The following UBE2D3 variants were observed in gnomAD, a reference collection of about 807,000 sequenced individuals.
The protein encoded by UBE2D3 is ubiquitin-conjugating enzyme E2 D3.
UBE2D3 carries 2 observed loss-of-function variants against 22.8 expected under a neutral mutation model. The observed-to-expected ratio is 0.09, with a 90% CI of 0.04 to 0.28. UBE2D3 has a LOEUF of 0.28. Among genes scored for constraint, UBE2D3 ranks in the 10% least tolerant of loss-of-function variants. UBE2D3 has a pLI of 1.00. For synonymous variants in UBE2D3, 56 were observed against 60.4 expected (o/e 0.93, Z 0.34); for missense variants, 27 against 182.5 (o/e 0.15, Z 4.91).
At chr4:102,811,254 G>C (rs1193577839) in intron 2 of UBE2D3, 1 of 152,568 alleles carries the variant, frequency 6.6e-6, no homozygotes, top group African/African-American at 2.4e-5. Context: ...ACTGAGGTGG[G>C]AGGATCACTT....
At chr4:102,838,227 C>G (rs1236563901) in intron 1 of UBE2D3, among the ~76,000 whole-genome samples, 1 of 152,122 alleles carries the variant, frequency 6.6e-6, no homozygotes, top group Non-Finnish European at 1.5e-5. Flanking sequence ...CGAACTAAAC[C>G]CACAGTATCT....
At chr4:102,818,522 G>A (rs748609343) in intron 2 of UBE2D3, among the ~76,000 whole-genome samples, 4 of 152,170 alleles carry the variant, frequency 2.6e-5, no homozygotes, top group Non-Finnish European at 2.9e-5. Flanking sequence ...GGTCTAGTTC[G>A]CCTCATTAGT....
chr4:102,828,608 G>A (rs1471549431), upstream of UBE2D3, among the ~76,000 whole-genome samples: 1 of 152,138 alleles, frequency 6.6e-6, no homozygotes, highest in Non-Finnish European at 1.5e-5. Flanking sequence ...GTAGATGTGG[G>A]AACAAGCTTA....
chr4:102,856,492 T>C (rs1426247128), intron 1 of UBE2D3, among the ~76,000 whole-genome samples: 2 of 152,242 alleles, frequency 1.3e-5, no homozygotes, highest in Admixed American at 1.3e-4. Flanking sequence ...TCTCTAGAAC[T>C]TTTCCTTTGT....
chr4:102,845,579 A>T (rs1732002973), intron 1 of UBE2D3, among the ~76,000 whole-genome samples: 1 of 152,126 alleles, frequency 6.6e-6, no homozygotes, highest in South Asian at 2.1e-4. Flanking sequence ...GAGCTAGATG[A>T]GATGCTTCAA....
exon 1 of UBE2D3, chr4:102,868,764 C>T (rs750625895): frequency 2.5e-6 from 4 of 1,613,960 alleles, no homozygotes; most frequent in Non-Finnish European, 3.4e-6. Context: ...CTTATCTCAT[C>T]GCACACAGTA....
chr4:102,801,337 T>C, intron 6 of UBE2D3, 117 bp downstream of exon 6: 1 of 791,090 alleles, frequency 1.3e-6, no homozygotes, highest in South Asian at 1.9e-5. Flanking sequence ...AAAGTAACTT[T>C]ATTGCTTCCC....
intron 2 of UBE2D3, among the ~76,000 whole-genome samples, chr4:102,813,227 T>C (rs1020873682): frequency 6.6e-6 from 1 of 152,212 alleles, no homozygotes; most frequent in African/African-American, 2.4e-5. Flanking sequence ...CGGACTACAG[T>C]GGCTATTCAC....
chr4:102,825,964 C>A, intron 2 of UBE2D3: 1 of 318,714 alleles, frequency 3.1e-6, no homozygotes, highest in East Asian at 8.7e-5. Flanking sequence ...ACTAGACTCA[C>A]TGACTGACCT....
intron 2 of UBE2D3, among the ~76,000 whole-genome samples, chr4:102,816,845 T>C (rs918963510): frequency 1.8e-4 from 27 of 152,192 alleles, no homozygotes; most frequent in African/African-American, 6.5e-4. Context: ...GCCATGCATG[T>C]TAGGTATAAA....
intron 2 of UBE2D3, among the ~76,000 whole-genome samples, chr4:102,823,954 A>G (rs1431196103): frequency 6.6e-6 from 1 of 152,230 alleles, no homozygotes; most frequent in East Asian, 1.9e-4. Context: ...ACACAAGCAT[A>G]CCATACTGAC....
chr4:102,819,135 A>G (rs1362233364), intron 2 of UBE2D3, among the ~76,000 whole-genome samples: 11 of 152,182 alleles, frequency 7.2e-5, no homozygotes, highest in African/African-American at 1.9e-4. Context: ...ATTCAAGACC[A>G]GCCTGGCCAA....
chr4:102,845,420 C>G (rs1280671628), intron 1 of UBE2D3, among the ~76,000 whole-genome samples: 2 of 152,066 alleles, frequency 1.3e-5, no homozygotes, highest in Non-Finnish European at 2.9e-5. Flanking sequence ...GTGGCCTGGG[C>G]TTTAGAATCC....
At position 102,804,456 on chromosome 4, in the gene UBE2D3, T is replaced by C. The variant is rs1181799750; in HGVS notation, c.121-1818A>G. ...TACAGGTATCAGCCACCGTGCCCAG[T>C]CCTTTTTCATATTTTCTACAAAATA... On this transcript the variant is annotated intron_variant, in intron 4 of 7. Coordinates refer to ENST00000453744, the MANE Select transcript of UBE2D3 (RefSeq NM_181891.3). 3.3e-5 allele frequency among the ~76,000 whole-genome samples: 5 copies of C among 151,922 alleles called. 1 individual carries two copies. The highest frequency in any genetic ancestry group is 1.2e-4 in the African/African-American group (5 of 41,368).
At chr4:102,819,674 A>G in intron 2 of UBE2D3, 1 of 810,438 alleles carries the variant, frequency 1.2e-6, no homozygotes. Context: ...AAGTTCATGG[A>G]TTCTACCTTT....
At chr4:102,801,588 TCAAATAAAAAC>T (rs1377083902) in intron 5 of UBE2D3, 29 bp from the exon 6 acceptor site, 1 of 1,527,662 alleles carries the variant, frequency 6.5e-7, no homozygotes. Flanking sequence ...AGTATTTTAT[TCAAATAAAAAC>T]AAACATCTTT....
chr4:102,838,010 T>C (rs1370764317), intron 1 of UBE2D3, among the ~76,000 whole-genome samples: 1 of 151,908 alleles, frequency 6.6e-6, no homozygotes, highest in Non-Finnish European at 1.5e-5. Flanking sequence ...TCTCAGCTAT[T>C]TGGGAGGCTG....
chr4:102,826,105 G>A (rs1404792872), intron 2 of UBE2D3, among the ~76,000 whole-genome samples: 1 of 151,998 alleles, frequency 6.6e-6, no homozygotes, highest in Non-Finnish European at 1.5e-5. Context: ...ACTAAACTAA[G>A]TTTTCAAGCA....
chr4:102,848,920 CCTGTGT>C (rs760172764), intron 1 of UBE2D3, among the ~76,000 whole-genome samples: 1 of 96,484 alleles, frequency 1.0e-5, no homozygotes, highest in Non-Finnish European at 2.1e-5. Flanking sequence ...TTTATGTGTG[CCTGTGT>C]GTGTGTGTGT....
Sources: gnomAD v4.1 joint callset for allele counts (sites outside exome capture counted in the v4.1 genomes callset) on GRCh38, gnomAD v4.1.1 for gene constraint, MANE v1.5 for transcripts, NCBI Gene and HGNC (gene_info 2026-07-23, HGNC 2026-07-21) for gene names.